Variants in PDGFRA observed in about 807,000 individuals in gnomAD.
The protein encoded by PDGFRA is platelet derived growth factor receptor alpha, also known as platelet-derived growth factor receptor alpha.
PDGFRA carries 25 observed loss-of-function variants against 121.5 expected under a neutral mutation model. The observed-to-expected ratio is 0.21, with a 90% CI of 0.15 to 0.29. PDGFRA has a LOEUF of 0.29. Ranked by LOEUF, PDGFRA falls within the 10% of genes least tolerant of loss-of-function variation. PDGFRA has a pLI of 1.00. For missense variants in PDGFRA, 1,008 were observed against 1,345.1 expected, an observed-to-expected ratio of 0.75 and a Z score of 3.92; for synonymous variants, 463 against 494.8, an observed-to-expected ratio of 0.94 and a Z score of 0.85.
At chr4:54,247,827 T>C (rs566496649) in intron 1 of PDGFRA, among the ~76,000 whole-genome samples, 1 of 152,142 alleles carries the variant, frequency 6.6e-6, no homozygotes, top group Admixed American at 6.5e-5. Flanking sequence ...AAAACCCCAT[T>C]GTCTCAGCCC....
chr4:54,267,128 A>C (rs1577714139), intron 5 of PDGFRA, among the ~76,000 whole-genome samples, 161 bp from the exon 6 acceptor site: 1 of 152,138 alleles, frequency 6.6e-6, no homozygotes, highest in African/African-American at 2.4e-5. Context: ...ACACCCACAC[A>C]TGTGTAGCCT....
intron 7 of PDGFRA, among the ~76,000 whole-genome samples, chr4:54,269,745 C>T (rs1173685526): frequency 2.0e-5 from 3 of 150,234 alleles, no homozygotes; most frequent in Non-Finnish European, 3.0e-5. Flanking sequence ...TGGGTTCAAG[C>T]GATTCTTCAG....
chr4:54,280,556 G>C (rs755425044), intron 16 of PDGFRA, 74 bp downstream of exon 16: 1 of 1,272,084 alleles, frequency 7.9e-7, no homozygotes, highest in Non-Finnish European at 1.1e-6. Context: ...GTATTTAGAG[G>C]GAAGTGTATA....
chr4:54,284,598 G>GAGAGA (rs1724224844), intron 16 of PDGFRA, among the ~76,000 whole-genome samples: 1 of 141,322 alleles, frequency 7.1e-6, no homozygotes, highest in African/African-American at 2.6e-5. Context: ...GAGAGAGAGA[G>GAGAGA]GTGCCATACA....
At chr4:54,274,760 C>A (rs1386966976) in intron 11 of PDGFRA, 81 bp from the exon 12 acceptor site, 1 of 1,524,148 alleles carries the variant, frequency 6.6e-7, no homozygotes, top group Non-Finnish European at 9.1e-7. Flanking sequence ...CTACTGTGTC[C>A]AGTCACTGTG....
At position 54,280,364 on chromosome 4, in the gene PDGFRA, G is replaced by A. The variant is rs758609201; in HGVS notation, c.2205G>A (p.Lys735=). The A allele has an allele frequency of 2.0e-4, 315 of 1,613,170 alleles. 1 individual carries two copies. The highest frequency in any genetic ancestry group is 9.7e-4 in the Admixed American group (58 of 60,006). The change falls in exon 16 of 23, where the codon AAG becomes AAA. Residue 735 remains lysine (K), a synonymous_variant. Coordinates refer to ENST00000257290, the MANE Select transcript of PDGFRA (RefSeq NM_006206.6). ...FENNGDYMDM[K]QADTTQYVPM... ...ACAATGGTGACTACATGGACATGAAGCAGGCTGATACTACACAGTATGTCC... is the reference window on the plus strand; with the variant it reads ...ACAATGGTGACTACATGGACATGAAACAGGCTGATACTACACAGTATGTCC...
intron 3 of PDGFRA, among the ~76,000 whole-genome samples, chr4:54,262,997 G>A (rs1352070948): frequency 2.0e-5 from 3 of 152,160 alleles, no homozygotes; most frequent in Admixed American, 1.3e-4. Context: ...GTTTGAGACT[G>A]TTAGAACTTC....
chr4:54,290,386 A>ACAC lies in PDGFRA; in HGVS notation c.2956_2957insCCA (p.Asp985_Asn986insThr). 1 of 1,613,390 alleles carries ACAC rather than the reference A, an allele frequency of 6.2e-7. No individual in the cohort carries two copies. The highest frequency in any genetic ancestry group is 2.2e-5 in the East Asian group (1 of 44,878). On this transcript the variant is annotated inframe_insertion, in exon 22 of 23. Transcript: ENST00000257290. ...GTGGCACGCATGCGTGTGGACTCAG[A>ACAC]CAATGCATACATTGGTGTCACCTAC...
chr4:54,277,299 G>A, intron 12 of PDGFRA, 89 bp from the exon 13 acceptor site: 1 of 880,664 alleles, frequency 1.1e-6, no homozygotes, highest in Non-Finnish European at 1.9e-6. Flanking sequence ...CACTCGCCCA[G>A]CTGTCCGCCC....
At chr4:54,272,632 A>T in intron 9 of PDGFRA, 112 bp downstream of exon 9, 1 of 1,201,230 alleles carries the variant, frequency 8.3e-7, no homozygotes, top group Non-Finnish European at 1.2e-6. Flanking sequence ...TTTGGGTGTG[A>T]TAGCTTCAGG....
chr4:54,292,347 A>T (rs11935157), intron 22 of PDGFRA, among the ~76,000 whole-genome samples: 30,593 of 152,186 alleles, frequency 0.2, 3,758 homozygotes, highest in African/African-American at 0.33. Context: ...CGTAAAAAGG[A>T]ATGAGATCAT....
intron 16 of PDGFRA, among the ~76,000 whole-genome samples, chr4:54,284,982 C>T (rs1174773185): frequency 6.7e-6 from 1 of 148,428 alleles, no homozygotes; most frequent in African/African-American, 2.5e-5. Context: ...CAACCTCCTC[C>T]TCCCTGATTC....
intron 9 of PDGFRA, among the ~76,000 whole-genome samples, chr4:54,273,255 T>C (rs1723502227): frequency 6.6e-6 from 1 of 152,176 alleles, no homozygotes; most frequent in Non-Finnish European, 1.5e-5. Context: ...AGTTTGCTCA[T>C]AGGTTCAAGA....
intron 18 of PDGFRA, 96 bp from the exon 19 acceptor site, chr4:54,287,334 G>A: frequency 1.3e-6 from 1 of 770,584 alleles, no homozygotes. Context: ...ATTAGCACAA[G>A]TTATTAAGAG....
In PDGFRA at chr4:54,274,628, A is replaced by G. The variant is rs551376376; in HGVS notation, c.1653+3A>G. 2 of 1,603,594 alleles carry G rather than the reference A, an allele frequency of 1.2e-6. No individual in the cohort carries two copies. The highest frequency in any genetic ancestry group is 2.2e-5 in the South Asian group (2 of 90,898). On this transcript the variant is annotated splice_donor_region_variant and intron_variant, in intron 11 of 22. Coordinates refer to ENST00000257290, the MANE Select transcript of PDGFRA (RefSeq NM_006206.6). ...TCCTGGTTGTCATTTGGAAACAGGTAGATATTTTCTCATAAAACTAAAGAT... is the reference window on the plus strand; with the variant it reads ...TCCTGGTTGTCATTTGGAAACAGGTGGATATTTTCTCATAAAACTAAAGAT...
intron 1 of PDGFRA, among the ~76,000 whole-genome samples, chr4:54,250,234 A>G (rs1255599183): frequency 1.3e-5 from 2 of 152,208 alleles, no homozygotes; most frequent in African/African-American, 2.4e-5. Context: ...TTGAGTTATC[A>G]TTTTGGCTAA....
intron 2 of PDGFRA, 25 bp downstream of exon 2, chr4:54,258,842 T>C (rs369839746): frequency 1.3e-5 from 21 of 1,604,616 alleles, no homozygotes; most frequent in Non-Finnish European, 1.8e-5. Context: ...CCTCTCTGAG[T>C]TCCTTGTTTG....
Position 54,261,156 on chromosome 4 carries a change from G to T in PDGFRA, c.111G>T (p.Lys37Asn), listed in dbSNP as rs1553902353. The change falls in exon 3 of 23, where the codon AAG (lysine) becomes AAT (asparagine). Residue 37 changes from lysine (K) to asparagine (N), a missense_variant. Transcript: ENST00000257290. Reference sequence around the variant, plus strand: ...CTATCCTTCCAAATGAAAATGAAAAGGTTGTGCAGCTGAATTCATCCTTTT... The same window carrying T: ...CTATCCTTCCAAATGAAAATGAAAATGTTGTGCAGCTGAATTCATCCTTTT... Reference protein sequence around the residue: ...LPSILPNENEKVVQLNSSFSL... With the variant: ...LPSILPNENENVVQLNSSFSL... 1 of 1,614,152 alleles carries T rather than the reference G, an allele frequency of 6.2e-7. No individual in the cohort carries two copies. The highest frequency in any genetic ancestry group is 8.5e-7 in the Non-Finnish European group (1 of 1,180,010).
rs547480854 is a variant in PDGFRA at position 54,263,382 on chromosome 4, C to T, written c.368-285C>T. Among the ~76,000 whole-genome samples, 6 of 152,264 alleles carry T rather than the reference C, an allele frequency of 3.9e-5. No individual in the cohort carries two copies. The South Asian group carries it at 1.2e-3, about 32-fold the overall frequency. On this transcript the variant is annotated intron_variant, in intron 3 of 22. Coordinates refer to ENST00000257290, the MANE Select transcript of PDGFRA (RefSeq NM_006206.6). Reference sequence around the variant, plus strand: ...ACAAGCAACCCTCCCACCTTGGCTTCCCAAAGTGCTGGGATTACAGGCATG... The same window carrying T: ...ACAAGCAACCCTCCCACCTTGGCTTTCCAAAGTGCTGGGATTACAGGCATG...
Sources: allele counts gnomAD v4.1 joint callset (sites outside exome capture counted in the v4.1 genomes callset), GRCh38; gene constraint gnomAD v4.1.1; transcripts MANE v1.5; gene names NCBI Gene and HGNC (gene_info 2026-07-23, HGNC 2026-07-21).